KIF26B: variants seen among roughly 807,000 people sequenced by gnomAD.
KIF26B encodes the protein kinesin family member 26B.
In KIF26B, 63 loss-of-function variants were observed where a neutral mutation model predicts 151.2. The ratio of observed to expected loss-of-function variants is 0.42; its 90% CI spans 0.34 to 0.51. KIF26B has a LOEUF of 0.51. KIF26B is among the 20% of genes least tolerant of loss of function. KIF26B has a pLI of 0.07. For missense variants in KIF26B, 2,813 were observed against 2,913.6 expected (o/e 0.97, Z 0.79); for synonymous variants, 1,357 against 1,262.1 (o/e 1.08, Z -1.59).
intron 10 of KIF26B, among the ~76,000 whole-genome samples, chr1:245,669,467 C>A (rs2044256764): frequency 6.6e-6 from 1 of 152,090 alleles, no homozygotes; most frequent in African/African-American, 2.4e-5. Context: ...ATATAAAGAA[C>A]TCCTGTAAGT....
chr1:245,687,965 A>T lies in KIF26B; in HGVS notation c.4982A>T (p.Gln1661Leu). 6.3e-7 allele frequency: 1 copy of T among 1,586,724 alleles called. No individual in the cohort carries two copies. The highest frequency in any genetic ancestry group is 1.3e-5 in the African/African-American group (1 of 74,410). Residue 1661 changes from glutamine (Q) to leucine (L), a missense_variant, in exon 12 of 15, where the codon CAG becomes CTG. Gln to Leu is a moderately radical substitution (Grantham distance 113). Coordinates refer to ENST00000407071, the MANE Select transcript of KIF26B (RefSeq NM_018012.4). This position sits in a 1 kb window ranked among gnomAD's most constrained non-coding sequence, Gnocchi z 4.9. Reference protein sequence around the residue: ...SSKLFSAKLEQLASRSNSLGR... With the variant: ...SSKLFSAKLELLASRSNSLGR... The stretch of plus-strand genomic sequence containing the variant: ...AAGCTCTTCAGTGCCAAGCTGGAGC[A>T]GCTGGCCAGCAGAAGCAACTCGCTG...
chr1:245,429,439 G>A (rs182995722), intron 4 of KIF26B, among the ~76,000 whole-genome samples: 14 of 152,264 alleles, frequency 9.2e-5, no homozygotes, highest in Non-Finnish European at 1.9e-4. Flanking sequence ...AGAAGGAGCT[G>A]AAGAGCAATT....
At chr1:245,296,347 C>G (rs1876945) in intron 2 of KIF26B, among the ~76,000 whole-genome samples, 5,867 of 152,048 alleles carry the variant, frequency 0.039, 175 homozygotes, top group African/African-American at 0.077. Context: ...CTGGCTGACA[C>G]CCCTTAATAA....
intron 5 of KIF26B, among the ~76,000 whole-genome samples, chr1:245,574,864 C>CTTT (rs201010492): frequency 8.7e-5 from 11 of 126,284 alleles, no homozygotes; most frequent in Non-Finnish European, 1.2e-4. Context: ...TTTTTTTTTT[C>CTTT]TTTTTTTTTT....
chr1:245,429,461 C>T (rs1658727472), intron 4 of KIF26B, among the ~76,000 whole-genome samples: 1 of 152,174 alleles, frequency 6.6e-6, no homozygotes, highest in African/African-American at 2.4e-5. Context: ...GCCCTTAAAT[C>T]TCACCTGTTA....
chr1:245,383,683 A>T (rs958681414), intron 3 of KIF26B, among the ~76,000 whole-genome samples: 8 of 152,184 alleles, frequency 5.3e-5, no homozygotes, highest in African/African-American at 1.9e-4. Flanking sequence ...TGATGAGTCC[A>T]TTAGGAGGTA....
At chr1:245,556,940 G>T (rs1662055013) in intron 5 of KIF26B, among the ~76,000 whole-genome samples, 1 of 152,184 alleles carries the variant, frequency 6.6e-6, no homozygotes, top group Admixed American at 6.5e-5. Flanking sequence ...GGAACTCACA[G>T]TCAGAAGGGC....
At chr1:245,558,494 G>A (rs938572114) in intron 5 of KIF26B, among the ~76,000 whole-genome samples, 9 of 152,130 alleles carry the variant, frequency 5.9e-5, no homozygotes, top group Non-Finnish European at 1.0e-4. Context: ...CCTTCACCCC[G>A]CTTCCCCAAG....
intron 4 of KIF26B, among the ~76,000 whole-genome samples, chr1:245,440,418 T>C (rs1659049419): frequency 6.6e-6 from 1 of 152,156 alleles, no homozygotes; most frequent in South Asian, 2.1e-4. Context: ...GAACTATCTC[T>C]TAAGACGGGG....
intron 2 of KIF26B, among the ~76,000 whole-genome samples, chr1:245,252,052 C>G (rs1397213147): frequency 6.6e-6 from 1 of 151,914 alleles, no homozygotes; most frequent in Non-Finnish European, 1.5e-5. Flanking sequence ...CACTTGAGCC[C>G]AGGAGTTTGA....
intron 2 of KIF26B, among the ~76,000 whole-genome samples, chr1:245,198,438 T>C (rs1231215424): frequency 6.6e-6 from 1 of 152,206 alleles, no homozygotes; most frequent in Non-Finnish European, 1.5e-5. Context: ...TGGTAAGTGC[T>C]TGGCTGGGTG....
At chr1:245,647,851 T>A (rs558947646) in intron 10 of KIF26B, among the ~76,000 whole-genome samples, 81 of 152,372 alleles carry the variant, frequency 5.3e-4, no homozygotes, top group South Asian at 3.9e-3. Flanking sequence ...CCTGTCCATC[T>A]CATTTCTAGA....
intron 12 of KIF26B, among the ~76,000 whole-genome samples, chr1:245,693,962 AAGG>A (rs1409697721): frequency 6.6e-6 from 1 of 152,200 alleles, no homozygotes; most frequent in Non-Finnish European, 1.5e-5. Flanking sequence ...GTTGGGGGAA[AAGG>A]AGGAGAGTCA....
intron 2 of KIF26B, among the ~76,000 whole-genome samples, chr1:245,311,330 T>G (rs1194460611): frequency 1.3e-5 from 2 of 152,062 alleles, no homozygotes. Flanking sequence ...AATGTGTAGA[T>G]CTGTGCTTGC....
intron 2 of KIF26B, among the ~76,000 whole-genome samples, chr1:245,217,167 G>T (rs1669663799): frequency 6.6e-6 from 1 of 152,164 alleles, no homozygotes; most frequent in South Asian, 2.1e-4. Context: ...AATGCAACTT[G>T]AAAGGAGAAA....
chr1:245,450,055 A>G (rs1659351017), intron 4 of KIF26B, among the ~76,000 whole-genome samples: 1 of 152,118 alleles, frequency 6.6e-6, no homozygotes, highest in Admixed American at 6.6e-5. Context: ...CTTGGGAAGC[A>G]CCAGCATTGT....
Position 245,347,101 on chromosome 1 carries a change from T to TGACTGTTTCC in KIF26B, c.466-19732_466-19723dup, listed in dbSNP as rs2102998666. On this transcript the variant is annotated intron_variant, in intron 2 of 14. Coordinates refer to ENST00000407071, the MANE Select transcript of KIF26B (RefSeq NM_018012.4). ...TGGGTGGAACAGAACACAGCCGTGG[T>TGACTGTTTCC]GACTGTTTCCAGTTTATGACCATTA... Among the ~76,000 whole-genome samples the TGACTGTTTCC allele has an allele frequency of 1.3e-5, 2 of 152,338 alleles. 1 individual carries two copies. Among genetic ancestry groups the TGACTGTTTCC allele is most frequent in the South Asian group, 4.1e-4 (2 of 4,830 alleles).
Position 245,510,986 on chromosome 1 carries a change from G to A in KIF26B, c.1167-29781G>A, listed in dbSNP as rs1252669706. 14 of 666,354 alleles carry A rather than the reference G, an allele frequency of 2.1e-5. 1 individual carries two copies. The highest frequency in any genetic ancestry group is 1.9e-4 in the South Asian group (11 of 58,616). The allele number at this position is 666,354 out of a possible 1,614,324, so 41.3% of individuals were successfully genotyped here. ...TTCCAGCCTTTCCTCCTTCACCTTC[G>A]CACAATTTTACTTTCTCCTGAGATG... On this transcript the variant is annotated intron_variant, in intron 4 of 14. Coordinates refer to ENST00000407071, the MANE Select transcript of KIF26B (RefSeq NM_018012.4).
intron 3 of KIF26B, among the ~76,000 whole-genome samples, chr1:245,374,092 AAAATATAT>A (rs1673207813): frequency 7.5e-5 from 1 of 13,400 alleles, no homozygotes; most frequent in African/African-American, 3.3e-4. Flanking sequence ...AAAAAAAAAA[AAAATATAT>A]ATATATATAT....
Sources: allele counts gnomAD v4.1 joint callset (sites outside exome capture counted in the v4.1 genomes callset), GRCh38; gene constraint gnomAD v4.1.1; non-coding constraint Gnocchi (gnomAD v3.1); transcripts MANE v1.5; gene names NCBI Gene and HGNC (gene_info 2026-07-23, HGNC 2026-07-21).